Variants in RAB43 observed in about 807,000 individuals in gnomAD.
RAB43 encodes the protein ras-related protein Rab-43.
In RAB43, 6 loss-of-function variants were observed where a neutral mutation model predicts 18.8. The observed-to-expected ratio is 0.32, with a 90% CI of 0.17 to 0.63. The LOEUF (loss-of-function observed/expected upper bound fraction) is 0.63, where lower values mean the gene tolerates loss of function less well. Among genes scored for constraint, RAB43 ranks in the 30% least tolerant of loss-of-function variants. RAB43 has a pLI of 0.79. For synonymous variants in RAB43, 103 were observed against 124.1 expected, an observed-to-expected ratio of 0.83 and a Z score of 1.13; for missense variants, 195 against 289.1, an observed-to-expected ratio of 0.67 and a Z score of 2.36.
chr3:129,119,159 C>T (rs991970931), intron 1 of RAB43, among the ~76,000 whole-genome samples: 2 of 152,206 alleles, frequency 1.3e-5, no homozygotes, highest in African/African-American at 2.4e-5. Flanking sequence ...CTTAAAATCA[C>T]ATTGCCAAAA....
intron 1 of RAB43, among the ~76,000 whole-genome samples, chr3:129,119,076 A>T (rs6808250): frequency 0.93 from 141,276 of 152,304 alleles, 65,895 homozygotes; most frequent in East Asian, 0.99. Context: ...TGTAAGTTTG[A>T]GAAGTTCATA....
intron 1 of RAB43, among the ~76,000 whole-genome samples, chr3:129,108,596 T>C (rs985343780): frequency 3.3e-5 from 5 of 152,244 alleles, no homozygotes; most frequent in African/African-American, 1.2e-4. Flanking sequence ...TGCCATGCTA[T>C]GTAATTTACA....
intron 1 of RAB43, among the ~76,000 whole-genome samples, chr3:129,104,579 G>A (rs1424406095): frequency 6.6e-6 from 1 of 152,240 alleles, no homozygotes; most frequent in East Asian, 1.9e-4. Flanking sequence ...TGGCAGGTAA[G>A]TTTCATATGG....
chr3:129,099,633 G>T (rs1301813998), intron 1 of RAB43, among the ~76,000 whole-genome samples: 1 of 141,156 alleles, frequency 7.1e-6, no homozygotes, highest in Non-Finnish European at 1.6e-5. Flanking sequence ...TGATCCACTC[G>T]CCTCGGCCTC....
chr3:129,092,504 G>C, intron 2 of RAB43: 1 of 700,168 alleles, frequency 1.4e-6, no homozygotes. Context: ...GCTCACACCT[G>C]TAATTCCAAC....
intron 1 of RAB43, among the ~76,000 whole-genome samples, chr3:129,113,983 C>T (rs368197186): frequency 6.6e-5 from 10 of 152,014 alleles, no homozygotes; most frequent in Non-Finnish European, 1.0e-4. Flanking sequence ...GCCGGGATCA[C>T]GCCTCGCGCC....
chr3:129,114,547 G>A (rs949867039), intron 1 of RAB43, among the ~76,000 whole-genome samples: 1 of 152,174 alleles, frequency 6.6e-6, no homozygotes, highest in Non-Finnish European at 1.5e-5. Context: ...ACATTTGAGG[G>A]AGAGTTGCTC....
intron 1 of RAB43, among the ~76,000 whole-genome samples, chr3:129,109,358 C>T (rs938763619): frequency 8.7e-5 from 13 of 148,804 alleles, no homozygotes; most frequent in Non-Finnish European, 1.6e-4. Context: ...TGCAGTGAGC[C>T]GAGGTTGCGC....
chr3:129,099,376 C>A (rs1253960618), intron 1 of RAB43, among the ~76,000 whole-genome samples: 1 of 150,544 alleles, frequency 6.6e-6, no homozygotes, highest in Non-Finnish European at 1.5e-5. Flanking sequence ...CAGGCGTGAG[C>A]CACCGCGCCT....
chr3:129,116,225 G>A (rs1301694868), intron 1 of RAB43, among the ~76,000 whole-genome samples: 6 of 152,146 alleles, frequency 3.9e-5, no homozygotes, highest in Admixed American at 2.0e-4. Flanking sequence ...TATCCATTGA[G>A]GATAAGATTT....
intron 1 of RAB43, among the ~76,000 whole-genome samples, chr3:129,117,540 G>A (rs1263516052): frequency 1.3e-5 from 2 of 152,202 alleles, no homozygotes; most frequent in African/African-American, 2.4e-5. Context: ...TTACTGACTC[G>A]TACAGCAGTG....
chr3:129,112,638 C>T (rs1935241602), intron 1 of RAB43, among the ~76,000 whole-genome samples: 1 of 152,232 alleles, frequency 6.6e-6, no homozygotes, highest in Non-Finnish European at 1.5e-5. Context: ...ACTCCAACAG[C>T]TGCCAGTGCC....
rs371371431 is a variant in RAB43 at position 129,103,627 on chromosome 3, C to T, written c.205-8458G>A. 1.8e-4 allele frequency among the ~76,000 whole-genome samples: 27 copies of T among 151,978 alleles called. 3 individuals are homozygous for T. Among genetic ancestry groups the T allele is most frequent in the Admixed American group, 5.9e-4 (9 of 15,256 alleles). ...TCACTCAGGCTGGAGTGCAGTGGCA[C>T]GATCTCTGCTCGCTGCAACCTCCGC... On this transcript the variant is annotated intron_variant, in intron 1 of 2. Transcript: ENST00000315150.
chr3:129,104,546 C>G (rs1234574386), intron 1 of RAB43, among the ~76,000 whole-genome samples: 1 of 152,186 alleles, frequency 6.6e-6, no homozygotes, highest in Non-Finnish European at 1.5e-5. Context: ...AGCACTCCCC[C>G]TCCTCTCCCA....
intron 1 of RAB43, among the ~76,000 whole-genome samples, chr3:129,116,550 A>G (rs1380750738): frequency 6.6e-6 from 1 of 152,180 alleles, no homozygotes; most frequent in Non-Finnish European, 1.5e-5. Context: ...ACCAGAAACC[A>G]TTTCCTCTTA....
chr3:129,093,189 C>A (rs1461863667), intron 2 of RAB43, among the ~76,000 whole-genome samples: 1 of 151,320 alleles, frequency 6.6e-6, no homozygotes, highest in Admixed American at 6.6e-5. Context: ...TGGGGTTTCA[C>A]CATGTTGCCC....
chr3:129,099,399 T>TAAA (rs1331151297), intron 1 of RAB43, among the ~76,000 whole-genome samples: 1 of 139,824 alleles, frequency 7.2e-6, no homozygotes. Context: ...CCTTAATTTT[T>TAAA]TTTTTGAGAC....
At position 129,120,052 on chromosome 3, in the gene RAB43, G is replaced by A. The variant is rs77731625; in HGVS notation, c.204+1234C>T. The stretch of plus-strand genomic sequence containing the variant: ...CTGCACCTTGCTCTTTTCCATCCAC[G>A]GAGACCAAAACACAGACCCCAGAAG... On this transcript the variant is annotated intron_variant, in intron 1 of 2. Transcript: ENST00000315150. Among the ~76,000 whole-genome samples the A allele has an allele frequency of 1.7e-3, 259 of 152,118 alleles. 2 individuals carry two copies. Among genetic ancestry groups the A allele is most frequent in the African/African-American group, 6.0e-3 (251 of 41,488 alleles).
intron 1 of RAB43, among the ~76,000 whole-genome samples, chr3:129,119,719 T>C (rs996692979): frequency 1.3e-5 from 2 of 152,170 alleles, no homozygotes; most frequent in Admixed American, 6.5e-5. Context: ...TGGCCCTGCA[T>C]TGCATAACCC....
Sources: gnomAD v4.1 joint callset for allele counts (sites outside exome capture counted in the v4.1 genomes callset) on GRCh38, gnomAD v4.1.1 for gene constraint, MANE v1.5 for transcripts, NCBI Gene and HGNC (gene_info 2026-07-23, HGNC 2026-07-21) for gene names.